Variants in CEP41 observed in about 807,000 individuals in gnomAD.
CEP41 encodes the protein centrosomal protein 41.
Under a neutral mutation model 44.3 loss-of-function variants are expected in CEP41, and 32 were observed. That is an observed-to-expected ratio of 0.72 (90% confidence interval 0.54 to 0.97). The LOEUF (loss-of-function observed/expected upper bound fraction) is 0.97. CEP41 is among the 50% of genes least tolerant of loss of function. CEP41 has a pLI of 0.00. For synonymous variants in CEP41, 151 were observed against 168.5 expected (o/e 0.90, Z 0.80); for missense variants, 432 against 455.2 (o/e 0.95, Z 0.46).
At chr7:130,404,026 A>G (rs1371426491) in intron 6 of CEP41, among the ~76,000 whole-genome samples, 1 of 152,230 alleles carries the variant, frequency 6.6e-6, no homozygotes, top group African/African-American at 2.4e-5. Flanking sequence ...TACACGGACT[A>G]AAGTCCATGT....
At chr7:130,426,644 A>G (rs1554423569) in intron 2 of CEP41, 1 of 456,204 alleles carries the variant, frequency 2.2e-6, no homozygotes, top group Non-Finnish European at 4.4e-6. Flanking sequence ...AGAATCACTT[A>G]CTTCAGAAGG....
intron 5 of CEP41, among the ~76,000 whole-genome samples, chr7:130,408,806 G>GA (rs200356336): frequency 0.023 from 3,559 of 152,032 alleles, 67 homozygotes; most frequent in South Asian, 0.04. Context: ...TGAAAAATCA[G>GA]AAAAAACTGT....
chr7:130,429,591 T>G (rs933721986), intron 1 of CEP41, among the ~76,000 whole-genome samples: 1 of 152,250 alleles, frequency 6.6e-6, no homozygotes, highest in East Asian at 1.9e-4. Context: ...TCTGCCACCC[T>G]TCCTCATGTT....
rs1554415585 is a variant in CEP41 at position 130,398,059 on chromosome 7, T to C, written c.*832A>G. The stretch of plus-strand genomic sequence containing the variant: ...ATAATTTCTGTCCATCTAACATGGA[T>C]GGACTGAAGCTGGGCAATGGGCGTC... On this transcript the variant is annotated 3_prime_UTR_variant, in exon 11 of 11. Transcript: ENST00000223208. The C allele has an allele frequency of 8.8e-6, 4 of 454,118 alleles. No homozygotes were observed. The highest frequency in any genetic ancestry group is 4.7e-5 in the South Asian group (3 of 64,472). 28.1% of individuals were successfully genotyped at this position (454,118 alleles called of 1,614,324 possible).
In CEP41 at chr7:130,400,187, C is replaced by T; in HGVS notation, c.825G>A (p.Gln275=). 6.2e-7 allele frequency: 1 copy of T among 1,613,956 alleles called. No homozygotes were observed. The highest frequency in any genetic ancestry group is 8.5e-7 in the Non-Finnish European group (1 of 1,179,958). ...GGGCAGACCCAGGAGGAAGGGCCTG[C>T]TGGCAAGATGCTGGCAGGGAACCAG... ...LITGSLPASC[Q]QALPPGSARK... Residue 275 remains glutamine (Q), a synonymous_variant, in exon 10 of 11, where the codon CAG becomes CAA. Coordinates refer to ENST00000223208, the MANE Select transcript of CEP41 (RefSeq NM_018718.3).
intron 2 of CEP41, among the ~76,000 whole-genome samples, chr7:130,417,961 G>A (rs1554421210): frequency 6.6e-6 from 1 of 152,092 alleles, no homozygotes; most frequent in Admixed American, 6.6e-5. Flanking sequence ...TCATGTTTGG[G>A]TCAGAAGCAG....
At chr7:130,405,402 A>G (rs1796980226) in intron 5 of CEP41, among the ~76,000 whole-genome samples, 2 of 152,184 alleles carry the variant, frequency 1.3e-5, no homozygotes, top group South Asian at 4.1e-4. Flanking sequence ...TGAACTAAAT[A>G]AGCCTGTTTG....
chr7:130,399,204 T>G (rs1796767046), intron 10 of CEP41, 165 bp from the exon 11 acceptor site: 1 of 788,514 alleles, frequency 1.3e-6, no homozygotes, highest in Admixed American at 2.2e-5. Context: ...TCCTCATCCT[T>G]GAGATCAGCC....
chr7:130,433,365 A>T (rs1451756689), intron 1 of CEP41, among the ~76,000 whole-genome samples: 1 of 151,920 alleles, frequency 6.6e-6, no homozygotes, highest in African/African-American at 2.4e-5. Context: ...GGATGTATAT[A>T]CAGGCTAATG....
chr7:130,431,429 AAC>A (rs1411088668), intron 1 of CEP41, among the ~76,000 whole-genome samples: 2 of 152,222 alleles, frequency 1.3e-5, no homozygotes, highest in Admixed American at 6.5e-5. Flanking sequence ...AGAGGTGAGA[AAC>A]ACAGTCTTTG....
At chr7:130,426,341 T>C (rs1797660523) in intron 2 of CEP41, among the ~76,000 whole-genome samples, 1 of 151,992 alleles carries the variant, frequency 6.6e-6, no homozygotes, top group Admixed American at 6.6e-5. Flanking sequence ...AAATTAATCT[T>C]AGGCACCATT....
At position 130,399,934 on chromosome 7, in the gene CEP41, C is replaced by T; in HGVS notation, c.973+105G>A. On this transcript the variant is annotated intron_variant, in intron 10 of 10. Coordinates refer to ENST00000223208, the MANE Select transcript of CEP41 (RefSeq NM_018718.3). ...TCCCCAGCACCTGTAACATACCTCC[C>T]TAGTATTTTAAGAATCTAAATATAA... 3.4e-6 allele frequency: 3 copies of T among 894,094 alleles called. No individual in the cohort carries two copies. In the South Asian group the frequency reaches 4.0e-5, roughly 12 times the overall value. The allele number at this position is 894,094 out of a possible 1,614,324, so 55.4% of individuals were successfully genotyped here.
rs782008140 is a variant in CEP41, at chr7:130,416,916, T to C, written c.145+3A>G. ...CTCCCAAACCATCAAGAGTGTTACT[T>C]ACTTTTCTTAATCTCTTCGAGCTTC... On this transcript the variant is annotated splice_donor_region_variant and intron_variant, in intron 3 of 10. Transcript: ENST00000223208. The C allele has an allele frequency of 5.1e-5, 80 of 1,583,550 alleles. No homozygotes were observed. Among genetic ancestry groups the C allele is most frequent in the Non-Finnish European group, 6.5e-5 (75 of 1,152,264 alleles).
Position 130,395,125 on chromosome 7 carries a change from A to G in CEP41, c.*3766T>C, listed in dbSNP as rs1196845626. 4.4e-6 allele frequency: 2 copies of G among 454,030 alleles called. No individual in the cohort carries two copies. Among genetic ancestry groups the G allele is most frequent in the Non-Finnish European group, 8.8e-6 (2 of 226,804 alleles). 28.1% of individuals were successfully genotyped at this position (454,030 alleles called of 1,614,324 possible). On this transcript the variant is annotated 3_prime_UTR_variant, in exon 11 of 11. Transcript: ENST00000223208. ...CCACCATTACATTTTTTATGTTGTA[A>G]CTGACCTGTGTATCCATTTAAAGAT...
At chr7:130,403,252 C>T (rs1796909676) in intron 6 of CEP41, among the ~76,000 whole-genome samples, 1 of 152,220 alleles carries the variant, frequency 6.6e-6, no homozygotes, top group Admixed American at 6.5e-5. Flanking sequence ...TTATATATTT[C>T]ATATACGTAG....
In CEP41 at chr7:130,396,827, C is replaced by T. The variant is rs1796676420; in HGVS notation, c.*2064G>A. On this transcript the variant is annotated 3_prime_UTR_variant, in exon 11 of 11. Transcript: ENST00000223208. ...GCCAGATCTCTCAGGTGAGTGCACACCAATTCTAACAGGTCTGGCTGACCT... is the reference window on the plus strand; with the variant it reads ...GCCAGATCTCTCAGGTGAGTGCACATCAATTCTAACAGGTCTGGCTGACCT... The T allele has an allele frequency of 2.2e-6, 1 of 451,566 alleles. No homozygotes were observed. The highest frequency in any genetic ancestry group is 4.4e-6 in the Non-Finnish European group (1 of 225,198). The allele number at this position is 451,566 out of a possible 1,614,324, so 28.0% of individuals were successfully genotyped here. A position where few individuals can be genotyped will look rare whatever the true frequency, so the allele number is the denominator to read the frequency against.
intron 9 of CEP41, 187 bp downstream of exon 9, chr7:130,400,520 A>G: frequency 3.1e-6 from 2 of 645,970 alleles, no homozygotes; most frequent in Admixed American, 2.5e-5. Context: ...AAGCAACATC[A>G]GGAATTAAAA....
In CEP41 at chr7:130,395,633, C is replaced by T. The variant is rs1298463176; in HGVS notation, c.*3258G>A. 2 of 454,032 alleles carry T rather than the reference C, an allele frequency of 4.4e-6. No homozygotes were observed. Among genetic ancestry groups the T allele is most frequent in the Non-Finnish European group, 8.8e-6 (2 of 226,776 alleles). The allele number at this position is 454,032 out of a possible 1,614,324, so 28.1% of individuals were successfully genotyped here. A position where few individuals can be genotyped will look rare whatever the true frequency, so the allele number is the denominator to read the frequency against. ...AAACCAACACAAGAAAAATTACCTACGTATTTCTTCCTAGCCTAGGACTCT... is the reference window on the plus strand; with the variant it reads ...AAACCAACACAAGAAAAATTACCTATGTATTTCTTCCTAGCCTAGGACTCT... On this transcript the variant is annotated 3_prime_UTR_variant, in exon 11 of 11. Transcript: ENST00000223208.
rs905249318 is a variant in CEP41 at position 130,397,288 on chromosome 7, T to C, written c.*1603A>G. The C allele has an allele frequency of 4.4e-6, 2 of 454,334 alleles. No individual in the cohort carries two copies. Among genetic ancestry groups the C allele is most frequent in the African/African-American group, 4.0e-5 (2 of 49,942 alleles). The allele number at this position is 454,334 out of a possible 1,614,324, so 28.1% of individuals were successfully genotyped here. The stretch of plus-strand genomic sequence containing the variant: ...CAAGATTCTTGAATCTTGTGGAAAA[T>C]TGGGCATGGCTTGACATCTGAACAA... On this transcript the variant is annotated 3_prime_UTR_variant, in exon 11 of 11. Coordinates refer to ENST00000223208, the MANE Select transcript of CEP41 (RefSeq NM_018718.3).
Sources: allele counts gnomAD v4.1 joint callset (sites outside exome capture counted in the v4.1 genomes callset), GRCh38; gene constraint gnomAD v4.1.1; transcripts MANE v1.5; gene names NCBI Gene and HGNC (gene_info 2026-07-23, HGNC 2026-07-21).